WHR1: variants seen among roughly 807,000 people sequenced by gnomAD.
WHR1 encodes winged helix repair factor 1.
the WHR1 span, chr6:31,980,458 G>A: frequency 6.2e-7 from 1 of 1,612,688 alleles, no homozygotes; most frequent in Non-Finnish European, 8.5e-7. Flanking sequence ...CAGGCATCTG[G>A]TGAATGCTGG....
the WHR1 span, chr6:31,973,115 G>T: frequency 2.0e-6 from 1 of 502,814 alleles, no homozygotes; most frequent in Non-Finnish European, 3.8e-6. Context: ...GAGAGGGAAT[G>T]GTGTATTGGA....
the WHR1 span, chr6:31,972,619 A>G: frequency 3.7e-6 from 6 of 1,607,542 alleles, no homozygotes; most frequent in Non-Finnish European, 4.3e-6. This position sits in a 1 kb window ranked among gnomAD's most constrained non-coding sequence, Gnocchi z 6.3. Flanking sequence ...TTATCTGCCC[A>G]GGGTCGGCGC....
At chr6:31,972,184 G>A in the WHR1 span, 2 of 1,611,614 alleles carry the variant, frequency 1.2e-6, no homozygotes, top group Admixed American at 1.7e-5. The surrounding 1 kb of genome is among the most constrained non-coding windows in gnomAD (Gnocchi z 6.3). Context: ...ATCCGCGGCC[G>A]GCGTGGGGCC....
chr6:31,972,967 G>A, the WHR1 span: 1 of 882,392 alleles, frequency 1.1e-6, no homozygotes, highest in Non-Finnish European at 1.8e-6. The surrounding 1 kb of genome is among the most constrained non-coding windows in gnomAD (Gnocchi z 6.3). Context: ...CGAGGCTTTT[G>A]GGGAAACCGA....
the WHR1 span, chr6:31,980,611 G>C: frequency 6.3e-7 from 1 of 1,593,220 alleles, no homozygotes; most frequent in East Asian, 2.2e-5. Context: ...AGGCCTCTAG[G>C]CCTTATTCAC....
chr6:31,971,864 T>A, the WHR1 span: 1 of 1,417,542 alleles, frequency 7.1e-7, no homozygotes, highest in Non-Finnish European at 9.4e-7. The surrounding 1 kb of genome is among the most constrained non-coding windows in gnomAD (Gnocchi z 4.5). Flanking sequence ...CCACCCTCCC[T>A]CCAGGTCCTC....
chr6:31,972,957 C>G, the WHR1 span: 1 of 963,478 alleles, frequency 1.0e-6, no homozygotes, highest in Non-Finnish European at 1.6e-6. This position sits in a 1 kb window ranked among gnomAD's most constrained non-coding sequence, Gnocchi z 6.3. Context: ...GGTAGAAGAA[C>G]GAGGCTTTTG....
chr6:31,971,376 C>T, the WHR1 span: 1 of 1,575,344 alleles, frequency 6.3e-7, no homozygotes, highest in Admixed American at 1.8e-5. The surrounding 1 kb of genome is among the most constrained non-coding windows in gnomAD (Gnocchi z 4.5). Context: ...CCAGCCTTTC[C>T]TGGACCTCCT....
At chr6:31,972,104 C>A in the WHR1 span, 1 of 1,613,166 alleles carries the variant, frequency 6.2e-7, no homozygotes. This position sits in a 1 kb window ranked among gnomAD's most constrained non-coding sequence, Gnocchi z 6.3. Context: ...AGGTTGACAC[C>A]AACGTGGCCA....
chr6:31,979,040 A>T, the WHR1 span: 11 of 1,576,472 alleles, frequency 7.0e-6, no homozygotes, highest in Non-Finnish European at 9.6e-6. Flanking sequence ...GGGAGGGCAC[A>T]GGTTGGGGGA....
At chr6:31,978,386 C>A in the WHR1 span, among the ~76,000 whole-genome samples, 1 of 152,180 alleles carries the variant, frequency 6.6e-6, no homozygotes, top group East Asian at 1.9e-4. Context: ...GATCCTGCTA[C>A]CTCAGCCTCC....
chr6:31,980,720 T>G, the WHR1 span: 1 of 1,609,316 alleles, frequency 6.2e-7, no homozygotes, highest in Admixed American at 1.7e-5. Flanking sequence ...TCAGAGCTCC[T>G]GGGCCGGCGG....
the WHR1 span, chr6:31,972,634 G>C: frequency 3.7e-6 from 6 of 1,608,914 alleles, no homozygotes; most frequent in South Asian, 4.4e-5. This position sits in a 1 kb window ranked among gnomAD's most constrained non-coding sequence, Gnocchi z 6.3. Context: ...CGGCGCGCGC[G>C]GCTGTCTCAG....
the WHR1 span, chr6:31,980,296 G>A: frequency 4.6e-6 from 3 of 648,950 alleles, no homozygotes; most frequent in African/African-American, 1.8e-5. Context: ...CAGTTGGTGC[G>A]AGCACAGAAC....
chr6:31,972,542 C>T, the WHR1 span: 10 of 1,595,670 alleles, frequency 6.3e-6, no homozygotes, highest in Non-Finnish European at 8.6e-6. The surrounding 1 kb of genome is among the most constrained non-coding windows in gnomAD (Gnocchi z 6.3). Flanking sequence ...GGTGGGGCCT[C>T]GCTTCCGGTA....
the WHR1 span, chr6:31,973,213 G>A: frequency 2.8e-6 from 1 of 357,352 alleles, no homozygotes; most frequent in Non-Finnish European, 5.5e-6. Context: ...CAGTAGGGAG[G>A]GAGAGGAGAG....
the WHR1 span, chr6:31,971,208 G>A: frequency 6.3e-7 from 1 of 1,580,256 alleles, no homozygotes; most frequent in Non-Finnish European, 8.6e-7. The surrounding 1 kb of genome is among the most constrained non-coding windows in gnomAD (Gnocchi z 4.5). Flanking sequence ...TGCTCCCCTC[G>A]AAGAATAGTC....
At chr6:31,976,927 G>A in the WHR1 span, among the ~76,000 whole-genome samples, 17 of 152,330 alleles carry the variant, frequency 1.1e-4, no homozygotes, top group East Asian at 1.2e-3. Flanking sequence ...GCCTGCAATC[G>A]CAGGCACTCG....
chr6:31,977,806 T>C, the WHR1 span, among the ~76,000 whole-genome samples: 1 of 151,602 alleles, frequency 6.6e-6, no homozygotes, highest in Non-Finnish European at 1.5e-5. Context: ...TTTATTTTTA[T>C]TTTTTGAGTT....
Sources: allele counts gnomAD v4.1 joint callset (sites outside exome capture counted in the v4.1 genomes callset), GRCh38; gene constraint gnomAD v4.1.1; non-coding constraint Gnocchi (gnomAD v3.1); transcripts MANE v1.5; gene names NCBI Gene and HGNC (gene_info 2026-07-23, HGNC 2026-07-21).